Variants in ITSN1 observed in about 807,000 individuals in gnomAD.
ITSN1 encodes the protein intersectin 1.
ITSN1 carries 58 observed loss-of-function variants against 239.8 expected under a neutral mutation model. The observed-to-expected ratio is 0.24, with a 90% CI of 0.20 to 0.30. ITSN1 has a LOEUF of 0.30. ITSN1 is among the 10% of genes least tolerant of loss of function. The pLI is 1.00. For synonymous variants in ITSN1, 780 were observed against 770.8 expected (o/e 1.01, Z -0.20); for missense variants, 1,558 against 2,103.3 (o/e 0.74, Z 5.07).
chr21:33,697,234 A>ATTTTTTTTTTTTTTTTTTTTT (rs11419453), intron 1 of ITSN1, among the ~76,000 whole-genome samples: 1 of 121,708 alleles, frequency 8.2e-6, no homozygotes, highest in Non-Finnish European at 1.6e-5. Flanking sequence ...CACCTGGCTA[A>ATTTTTTTTTTTTTTTTTTTTT]TTTTTTTTTT....
chr21:33,665,917 A>G (rs369765039), intron 1 of ITSN1, among the ~76,000 whole-genome samples: 2 of 151,776 alleles, frequency 1.3e-5, no homozygotes, highest in Non-Finnish European at 2.9e-5. Flanking sequence ...AGAAGGCAAT[A>G]TACTGTATGG....
rs201947456 is a variant in ITSN1, at chr21:33,735,107, A to G, written c.249A>G (p.Lys83=). The G allele has an allele frequency of 6.2e-7, 1 of 1,613,844 alleles. No individual in the cohort carries two copies. The highest frequency in any genetic ancestry group is 1.3e-5 in the African/African-American group (1 of 74,890). ...MDQVEFSIAM[K]LIKLKLQGYQ... is the part of the protein sequence containing the mutation. ...AAGTGGAGTTTTCCATAGCTATGAA[A>G]CTTATCAAACTGAAGCTACAAGGAT... The change falls in exon 5 of 40, where the codon AAA becomes AAG. Residue 83 remains lysine (K), a synonymous_variant. Transcript: ENST00000381318.
At chr21:33,808,602 T>C (rs2072656503) in intron 20 of ITSN1, among the ~76,000 whole-genome samples, 1 of 151,522 alleles carries the variant, frequency 6.6e-6, no homozygotes, top group African/African-American at 2.4e-5. Flanking sequence ...AAAAAAAAGC[T>C]AACACTTTTA....
intron 5 of ITSN1, among the ~76,000 whole-genome samples, chr21:33,743,920 A>G (rs1007167814): frequency 3.9e-5 from 6 of 152,254 alleles, no homozygotes; most frequent in Non-Finnish European, 7.3e-5. Flanking sequence ...AAAAACAGAC[A>G]AAACGTTACC....
At chr21:33,719,079 A>G (rs767783143) in intron 2 of ITSN1, among the ~76,000 whole-genome samples, 1 of 152,212 alleles carries the variant, frequency 6.6e-6, no homozygotes, top group African/African-American at 2.4e-5. Flanking sequence ...ATATTTTAGT[A>G]TGTGTACCTA....
intron 1 of ITSN1, among the ~76,000 whole-genome samples, chr21:33,712,524 C>G (rs1472750771): frequency 6.6e-6 from 1 of 152,274 alleles, no homozygotes; most frequent in South Asian, 2.1e-4. Flanking sequence ...CACACAATGG[C>G]AGGTCCCATT....
intron 31 of ITSN1, among the ~76,000 whole-genome samples, chr21:33,861,118 T>C (rs916637041): frequency 2.6e-5 from 4 of 152,202 alleles, no homozygotes; most frequent in African/African-American, 9.7e-5. Flanking sequence ...TTCTGCATTT[T>C]ACTAGAAAAA....
At chr21:33,678,993 C>A (rs8132926) in intron 1 of ITSN1, among the ~76,000 whole-genome samples, 6,379 of 152,276 alleles carry the variant, frequency 0.042, 456 homozygotes, top group African/African-American at 0.15. Context: ...AACCTGAAGG[C>A]ATAAGCATGA....
At chr21:33,820,907 C>G (rs2148287831) in intron 24 of ITSN1, among the ~76,000 whole-genome samples, 1 of 152,218 alleles carries the variant, frequency 6.6e-6, no homozygotes, top group South Asian at 2.1e-4. Flanking sequence ...CACTGGAGGG[C>G]TGGAGTTTGT....
chr21:33,823,183 G>A (rs2073788068), intron 24 of ITSN1, among the ~76,000 whole-genome samples: 2 of 152,182 alleles, frequency 1.3e-5, no homozygotes, highest in Non-Finnish European at 2.9e-5. Flanking sequence ...AAGAAATCAT[G>A]ATGCTAAATG....
intron 21 of ITSN1, among the ~76,000 whole-genome samples, chr21:33,811,690 A>G (rs1179691352): frequency 1.3e-5 from 2 of 152,206 alleles, no homozygotes; most frequent in Non-Finnish European, 2.9e-5. Context: ...CATTAATCTT[A>G]TACAAATGTA....
intron 1 of ITSN1, among the ~76,000 whole-genome samples, chr21:33,703,633 T>C (rs567278689): frequency 6.6e-6 from 1 of 152,332 alleles, no homozygotes; most frequent in East Asian, 1.9e-4. Flanking sequence ...CAATTGTACT[T>C]TCACTGGGAA....
intron 7 of ITSN1, among the ~76,000 whole-genome samples, chr21:33,753,396 T>G (rs922101759): frequency 3.3e-5 from 5 of 152,112 alleles, no homozygotes; most frequent in African/African-American, 1.2e-4. Context: ...TCCTCACCCA[T>G]AGTTTACAGC....
chr21:33,772,398 T>C (rs1247613406), intron 12 of ITSN1, 75 bp downstream of exon 12: 1 of 1,485,970 alleles, frequency 6.7e-7, no homozygotes, highest in East Asian at 2.5e-5. Flanking sequence ...AGTGATCTAT[T>C]CACGCCATCT....
chr21:33,785,935 G>A (rs2070642773), intron 16 of ITSN1, among the ~76,000 whole-genome samples: 1 of 152,110 alleles, frequency 6.6e-6, no homozygotes, highest in African/African-American at 2.4e-5. Context: ...CTTGAGAAAG[G>A]AAACAGGAAT....
intron 2 of ITSN1, among the ~76,000 whole-genome samples, chr21:33,719,366 G>A (rs1326308287): frequency 1.3e-5 from 2 of 152,136 alleles, no homozygotes; most frequent in Middle Eastern, 3.2e-3. Context: ...ACATGAACCC[G>A]GGAGGCGGAG....
chr21:33,806,786 C>T (rs915687768), intron 20 of ITSN1, among the ~76,000 whole-genome samples: 62 of 152,188 alleles, frequency 4.1e-4, no homozygotes, highest in African/African-American at 1.4e-3. Flanking sequence ...AATAACATCT[C>T]CCTTATAGCC....
At chr21:33,812,629 G>C (rs1030890294) in intron 21 of ITSN1, among the ~76,000 whole-genome samples, 2 of 152,100 alleles carry the variant, frequency 1.3e-5, no homozygotes, top group African/African-American at 2.4e-5. Context: ...CTCCTAAGTA[G>C]CTGGGCCTAC....
rs113432636 is a variant in ITSN1, at chr21:33,760,612, G to C, written c.725-1311G>C. 7.2e-3 allele frequency among the ~76,000 whole-genome samples: 1,094 copies of C among 152,234 alleles called. 14 individuals are homozygous for C. The highest frequency in any genetic ancestry group is 0.025 in the African/African-American group (1,041 of 41,516). Reference sequence around the variant, plus strand: ...GAGCAAACTAGGATCCAGACTACCTGGCCCAGTCACTCAGCAAAGTCTAGA... The same window carrying C: ...GAGCAAACTAGGATCCAGACTACCTCGCCCAGTCACTCAGCAAAGTCTAGA... On this transcript the variant is annotated intron_variant, in intron 8 of 39. Transcript: ENST00000381318.
Sources: gnomAD v4.1 joint callset for allele counts (sites outside exome capture counted in the v4.1 genomes callset) on GRCh38, gnomAD v4.1.1 for gene constraint, MANE v1.5 for transcripts, NCBI Gene and HGNC (gene_info 2026-07-23, HGNC 2026-07-21) for gene names.